The following CELF2 variants were observed in gnomAD, a reference collection of about 807,000 sequenced individuals.
The protein encoded by CELF2 is CUG triplet repeat RNA-binding protein 2.
A neutral mutation model predicts 62.6 loss-of-function variants in CELF2; 8 were observed. The ratio of observed to expected loss-of-function variants is 0.13; its 90% CI spans 0.07 to 0.23. The LOEUF (loss-of-function observed/expected upper bound fraction) is 0.23. Ranked by LOEUF, CELF2 falls within the 10% of genes least tolerant of loss-of-function variation. CELF2 has a pLI of 1.00. For missense variants in CELF2, 333 were observed against 671.0 expected (o/e 0.50, Z 5.56); for synonymous variants, 258 against 250.0 (o/e 1.03, Z -0.30).
At chr10:11,245,705 A>G (rs1260133088) in intron 3 of CELF2, among the ~76,000 whole-genome samples, 1 of 152,166 alleles carries the variant, frequency 6.6e-6, no homozygotes, top group East Asian at 1.9e-4. Flanking sequence ...TTGGTGTCAT[A>G]TGAGTCATAC....
At chr10:10,665,177 A>G in the CELF2 span, among the ~76,000 whole-genome samples, 3 of 152,224 alleles carry the variant, frequency 2.0e-5, no homozygotes, top group African/African-American at 7.2e-5. Context: ...TAAACTGAAT[A>G]AAGGAGCTGA....
At position 11,199,765 on chromosome 10, in the gene CELF2, A is replaced by T. The variant is rs369680232; in HGVS notation, c.272-17660A>T. Among the ~76,000 whole-genome samples, 91 of 152,330 alleles carry T rather than the reference A, an allele frequency of 6.0e-4. No homozygotes were observed. In the South Asian group the frequency reaches 0.018, roughly 31 times the overall value. ...TTTTTATTCTATGCAAAATCTGTCC[A>T]TTGCTTCTCTAAAGCAGCAGCAGGG... is the stretch of plus-strand genomic sequence containing the variant. On this transcript the variant is annotated intron_variant, in intron 2 of 12. Transcript: ENST00000633077.
At chr10:10,702,787 T>C in the CELF2 span, among the ~76,000 whole-genome samples, 8 of 152,238 alleles carry the variant, frequency 5.3e-5, no homozygotes, top group Non-Finnish European at 1.0e-4. Context: ...GTTTTCGCCA[T>C]GTTGGCCACA....
chr10:10,883,327 G>A (rs1171911793), intron 1 of CELF2, among the ~76,000 whole-genome samples: 2 of 152,150 alleles, frequency 1.3e-5, no homozygotes, highest in African/African-American at 2.4e-5. Context: ...TACATAAATT[G>A]AGCGTTTAAG....
At chr10:10,910,714 A>AAG (rs1554878803) in intron 1 of CELF2, among the ~76,000 whole-genome samples, 3 of 150,934 alleles carry the variant, frequency 2.0e-5, no homozygotes, top group Admixed American at 2.0e-4. Flanking sequence ...AAAAAAAAAA[A>AAG]AAAAAGAAAA....
chr10:10,672,299 A>C, the CELF2 span, among the ~76,000 whole-genome samples: 1 of 152,136 alleles, frequency 6.6e-6, no homozygotes, highest in African/African-American at 2.4e-5. Flanking sequence ...TTTGTGTCAC[A>C]CTCAAAAAGT....
the CELF2 span, among the ~76,000 whole-genome samples, chr10:10,515,957 A>G: frequency 6.6e-6 from 1 of 152,176 alleles, no homozygotes; most frequent in Non-Finnish European, 1.5e-5. Flanking sequence ...TTTAAAATCC[A>G]CCAATCTTAG....
At chr10:11,130,724 G>A (rs2059492774) in intron 1 of CELF2, among the ~76,000 whole-genome samples, 1 of 152,158 alleles carries the variant, frequency 6.6e-6, no homozygotes, top group Non-Finnish European at 1.5e-5. Flanking sequence ...AACAGTATAT[G>A]CTATGCCAAT....
At chr10:10,778,389 T>G in the CELF2 span, among the ~76,000 whole-genome samples, 1 of 152,178 alleles carries the variant, frequency 6.6e-6, no homozygotes, top group African/African-American at 2.4e-5. Flanking sequence ...TACAAAACTT[T>G]GGCAAATTGA....
At chr10:10,740,598 A>T in the CELF2 span, among the ~76,000 whole-genome samples, 1 of 152,198 alleles carries the variant, frequency 6.6e-6, no homozygotes, top group Non-Finnish European at 1.5e-5. Flanking sequence ...CAAAAAAAAG[A>T]TGTCAGCACC....
chr10:11,325,431 T>G (rs2095671006), intron 11 of CELF2, among the ~76,000 whole-genome samples: 1 of 152,262 alleles, frequency 6.6e-6, no homozygotes, highest in Non-Finnish European at 1.5e-5. Context: ...TTTTTTAGAA[T>G]GCACAGAGCA....
intron 2 of CELF2, among the ~76,000 whole-genome samples, chr10:10,949,947 G>A (rs991983187): frequency 1.3e-5 from 2 of 151,690 alleles, no homozygotes; most frequent in Admixed American, 6.6e-5. Context: ...TTTTCAGGTC[G>A]ATGGAACTTT....
intron 1 of CELF2, among the ~76,000 whole-genome samples, chr10:10,855,255 T>C (rs534754469): frequency 9.2e-5 from 14 of 152,312 alleles, no homozygotes; most frequent in Admixed American, 4.6e-4. Flanking sequence ...CCTCCAGTCT[T>C]GCAACTCAGA....
chr10:11,141,952 AT>A (rs1447995632), intron 1 of CELF2, among the ~76,000 whole-genome samples: 7 of 152,242 alleles, frequency 4.6e-5, no homozygotes, highest in African/African-American at 1.7e-4. Flanking sequence ...AGATGAAGTC[AT>A]GTCCTGTAGC....
chr10:10,985,934 G>T (rs1018625260), intron 2 of CELF2, among the ~76,000 whole-genome samples: 2 of 152,134 alleles, frequency 1.3e-5, no homozygotes, highest in Non-Finnish European at 2.9e-5. Flanking sequence ...GTAAAAGCTG[G>T]ACTCTTTTCT....
At chr10:11,142,499 A>G (rs1045971654) in intron 1 of CELF2, among the ~76,000 whole-genome samples, 1 of 152,034 alleles carries the variant, frequency 6.6e-6, no homozygotes. Flanking sequence ...CCTGGCTAAC[A>G]CAGTGAAACC....
chr10:10,830,279 T>TAA (rs57725749), intron 1 of CELF2, among the ~76,000 whole-genome samples: 2,912 of 122,464 alleles, frequency 0.024, 97 homozygotes, highest in African/African-American at 0.051. Context: ...GGAGTTCCTT[T>TAA]AAAAAAAAAA....
the CELF2 span, among the ~76,000 whole-genome samples, chr10:10,505,301 G>A: frequency 6.6e-6 from 1 of 152,024 alleles, no homozygotes; most frequent in African/African-American, 2.4e-5. Context: ...CATAAGTTGG[G>A]GGAGGGCTCC....
At chr10:11,081,613 T>C (rs1032734406) in intron 1 of CELF2, among the ~76,000 whole-genome samples, 1 of 152,218 alleles carries the variant, frequency 6.6e-6, no homozygotes, top group Non-Finnish European at 1.5e-5. Context: ...GGAGATTTCA[T>C]TAAATTCACG....
Sources: allele counts gnomAD v4.1 joint callset (sites outside exome capture counted in the v4.1 genomes callset), GRCh38; gene constraint gnomAD v4.1.1; transcripts MANE v1.5; gene names NCBI Gene and HGNC (gene_info 2026-07-23, HGNC 2026-07-21).